The following DIP2C variants were observed in gnomAD, a reference collection of about 807,000 sequenced individuals.
The protein encoded by DIP2C is disco-interacting protein 2 homolog C.
A neutral mutation model predicts 192.4 loss-of-function variants in DIP2C; 33 were observed. The ratio of observed to expected loss-of-function variants is 0.17; its 90% CI spans 0.13 to 0.23. The LOEUF (loss-of-function observed/expected upper bound fraction) is 0.23. Among genes scored for constraint, DIP2C ranks in the 10% least tolerant of loss-of-function variants. The pLI is 1.00. For missense variants in DIP2C, 1,537 were observed against 2,110.1 expected, an observed-to-expected ratio of 0.73 and a Z score of 5.32; for synonymous variants, 979 against 864.1, an observed-to-expected ratio of 1.13 and a Z score of -2.33.
intron 4 of DIP2C, among the ~76,000 whole-genome samples, chr10:429,023 A>C (rs75671481): frequency 5.9e-4 from 90 of 152,152 alleles, no homozygotes; most frequent in African/African-American, 2.1e-3. Flanking sequence ...ACTTGTCACA[A>C]CTGATGCTTC....
intron 1 of DIP2C, among the ~76,000 whole-genome samples, chr10:512,652 G>A (rs1027973140): frequency 6.6e-6 from 1 of 152,026 alleles, no homozygotes; most frequent in Non-Finnish European, 1.5e-5. Flanking sequence ...AGTGGCTCAC[G>A]CCTGGAATCC....
In DIP2C at chr10:310,045, G is replaced by A. The variant is rs776938070; in HGVS notation, c.3972C>T (p.Ala1324=). 7 of 1,614,136 alleles carry A rather than the reference G, an allele frequency of 4.3e-6. 1 individual carries two copies. The highest frequency in any genetic ancestry group is 3.3e-5 in the Admixed American group (2 of 60,010). The change falls in exon 32 of 37, where the codon GCC becomes GCT. Residue 1324 remains alanine, a synonymous_variant. Transcript: ENST00000280886. ...DPTTVYVDMR[A]LRHDRVRLVE... ...GTGTACAGTACCTGTCGTGTCTCAG[G>A]GCTCTCATGTCCACGTAGACAGTGG...
chr10:378,304 C>T (rs1252713221), intron 17 of DIP2C, among the ~76,000 whole-genome samples: 2 of 152,216 alleles, frequency 1.3e-5, no homozygotes, highest in Admixed American at 1.3e-4. Context: ...GATTTCCTGC[C>T]ACCACTTGGC....
intron 2 of DIP2C, among the ~76,000 whole-genome samples, chr10:477,685 G>A (rs557247917): frequency 1.4e-5 from 2 of 143,028 alleles, no homozygotes; most frequent in African/African-American, 5.1e-5. Context: ...TAGATAGGAG[G>A]AAAGCGGAGA....
rs1200812040 is a variant in DIP2C at position 281,246 on chromosome 10, C to T, written c.4372G>A (p.Asp1458Asn). Residue 1458 changes from aspartate to asparagine, a missense_variant, in exon 36 of 37, where the codon GAC becomes AAC. By Grantham distance (23) the Asp-to-Asn change is conservative. This residue lies in a region of DIP2C where 341 missense variants were observed against 551.7 expected (regional missense o/e 0.62). Coordinates refer to ENST00000280886, the MANE Select transcript of DIP2C (RefSeq NM_014974.3). Reference protein sequence around the residue: ...ELRGMRYHPIDIETSVIRAHK... With the variant: ...ELRGMRYHPINIETSVIRAHK... ...GCTCTGATGACCGAGGTCTCAATGT[C>T]GATTGGGTGGTACCGCATGCCCCGC... 1 of 1,614,172 alleles carries T rather than the reference C, an allele frequency of 6.2e-7. No individual in the cohort carries two copies. Among genetic ancestry groups the T allele is most frequent in the Non-Finnish European group, 8.5e-7 (1 of 1,180,026 alleles).
intron 31 of DIP2C, among the ~76,000 whole-genome samples, chr10:324,262 T>C (rs887887821): frequency 4.6e-5 from 7 of 152,234 alleles, no homozygotes; most frequent in Non-Finnish European, 8.8e-5. Context: ...AAATTTGACA[T>C]AGGCTGACAT....
chr10:504,130 T>TC (rs1396046215), intron 1 of DIP2C, among the ~76,000 whole-genome samples: 8 of 152,174 alleles, frequency 5.3e-5, no homozygotes, highest in African/African-American at 1.9e-4. Context: ...CTAACTGCCT[T>TC]CCTAACCAGA....
At chr10:397,861 C>G (rs771523521) in intron 10 of DIP2C, among the ~76,000 whole-genome samples, 18 of 152,186 alleles carry the variant, frequency 1.2e-4, no homozygotes, top group Non-Finnish European at 2.2e-4. Context: ...CAAAGTTAAC[C>G]TGAAAAACCA....
In DIP2C at chr10:311,718, A is replaced by G. The variant is rs72772836; in HGVS notation, c.3925-1626T>C. On this transcript the variant is annotated intron_variant, in intron 31 of 36. Coordinates refer to ENST00000280886, the MANE Select transcript of DIP2C (RefSeq NM_014974.3). ...TGGGGAGGAGAATGCGAAAAGCAGG[A>G]AACAAAATGAAAAGAAGATCAAAAA... 4.2e-3 allele frequency among the ~76,000 whole-genome samples: 635 copies of G among 152,324 alleles called. 10 individuals carry two copies. The highest frequency in any genetic ancestry group is 6.5e-3 in the Non-Finnish European group (439 of 68,022).
At chr10:358,466 C>A (rs538576188) in intron 22 of DIP2C, among the ~76,000 whole-genome samples, 2 of 145,640 alleles carry the variant, frequency 1.4e-5, no homozygotes, top group African/African-American at 5.1e-5. Context: ...GTATGTTATA[C>A]TGACTGAAAA....
At chr10:681,520 C>G (rs1313520389) in intron 1 of DIP2C, among the ~76,000 whole-genome samples, 1 of 151,674 alleles carries the variant, frequency 6.6e-6, no homozygotes, top group African/African-American at 2.4e-5. Flanking sequence ...CACAGAAATT[C>G]CAGGGAATGC....
chr10:614,684 GTTCCT>G (rs1368409378), intron 1 of DIP2C, among the ~76,000 whole-genome samples: 13 of 152,364 alleles, frequency 8.5e-5, no homozygotes, highest in Non-Finnish European at 1.6e-4. Context: ...GATCCATAAA[GTTCCT>G]TTCAAGTGTG....
chr10:423,227 A>C (rs1384109185), intron 4 of DIP2C, among the ~76,000 whole-genome samples, 194 bp from the exon 5 acceptor site: 1 of 152,252 alleles, frequency 6.6e-6, no homozygotes, highest in Non-Finnish European at 1.5e-5. Context: ...TTTTTCATCC[A>C]ACACACCTTA....
intron 32 of DIP2C, among the ~76,000 whole-genome samples, chr10:294,273 C>T (rs556949673): frequency 6.6e-6 from 1 of 152,170 alleles, no homozygotes; most frequent in African/African-American, 2.4e-5. Context: ...ACGCTAATCC[C>T]GAGCACAGAC....
At chr10:626,458 A>T (rs2794955) in intron 1 of DIP2C, among the ~76,000 whole-genome samples, 1 of 135,552 alleles carries the variant, frequency 7.4e-6, no homozygotes, top group African/African-American at 3.2e-5. Flanking sequence ...CCGTCCCCGG[A>T]GTTACCCTCC....
At chr10:546,099 T>C (rs993744350) in intron 1 of DIP2C, among the ~76,000 whole-genome samples, 1 of 151,360 alleles carries the variant, frequency 6.6e-6, no homozygotes, top group African/African-American at 2.4e-5. Flanking sequence ...CTGACCAACA[T>C]GGTGAAACCC....
At chr10:613,712 G>T (rs972070809) in intron 1 of DIP2C, among the ~76,000 whole-genome samples, 3 of 152,188 alleles carry the variant, frequency 2.0e-5, no homozygotes, top group African/African-American at 7.2e-5. Flanking sequence ...CAGGAATGGA[G>T]TTCAACAGAT....
At chr10:476,265 C>CT in intron 2 of DIP2C, among the ~76,000 whole-genome samples, 1 of 152,300 alleles carries the variant, frequency 6.6e-6, no homozygotes, top group African/African-American at 2.4e-5. Flanking sequence ...ACCTGCTCAG[C>CT]TATCATGCAT....
chr10:545,564 G>A (rs554415572), intron 1 of DIP2C, among the ~76,000 whole-genome samples: 40 of 152,286 alleles, frequency 2.6e-4, no homozygotes, highest in Non-Finnish European at 5.3e-4. Flanking sequence ...TACACAGAAT[G>A]GGGTGAGGAC....
Sources: gnomAD v4.1 joint callset for allele counts (sites outside exome capture counted in the v4.1 genomes callset) on GRCh38, gnomAD v4.1.1 for gene constraint, gnomAD v4.1.1 regional missense constraint, MANE v1.5 for transcripts, NCBI Gene and HGNC (gene_info 2026-07-23, HGNC 2026-07-21) for gene names.